NOC3L: variants seen among roughly 807,000 people sequenced by gnomAD.
NOC3L encodes the protein nucleolar complex protein 3 homolog.
Under a neutral mutation model 102.5 loss-of-function variants are expected in NOC3L, and 85 were observed. The observed-to-expected ratio is 0.83, with a 90% CI of 0.70 to 0.99. The LOEUF is 0.99. NOC3L is among the 50% of genes least tolerant of loss of function. The pLI is 0.00. For synonymous variants in NOC3L, 303 were observed against 309.4 expected (o/e 0.98, Z 0.22); for missense variants, 878 against 914.9 (o/e 0.96, Z 0.52).
the NOC3L span, chr10:94,316,619 T>C: frequency 6.2e-7 from 1 of 1,608,308 alleles, no homozygotes; most frequent in African/African-American, 1.3e-5. Context: ...ATATTTTATA[T>C]CTAAAGAAAA....
chr10:94,350,207 C>G lies in NOC3L; in HGVS notation c.1034G>C (p.Ser345Thr), dbSNP rs1033603526. The change falls in exon 9 of 21, where the codon AGC (serine) becomes ACC (threonine). Residue 345 changes from serine to threonine, a missense_variant. Ser to Thr is a moderately conservative substitution (Grantham distance 58). Transcript: ENST00000371361. Reference sequence around the variant, plus strand: ...TAGTGCCACCAACAGCTCACACAAGCTCTTCACAGCGACTTCTGCCAGTCC... The same window carrying G: ...TAGTGCCACCAACAGCTCACACAAGGTCTTCACAGCGACTTCTGCCAGTCC... The part of the protein sequence containing the change: ...YKGLAEVAVK[S>T]LCELLVALPH... The G allele has an allele frequency of 6.2e-7, 1 of 1,614,156 alleles. No homozygotes were observed. Among genetic ancestry groups the G allele is most frequent in the African/African-American group, 1.3e-5 (1 of 75,050 alleles).
chr10:94,337,976 T>G, intron 18 of NOC3L, 102 bp from the exon 19 acceptor site: 1 of 787,744 alleles, frequency 1.3e-6, no homozygotes, highest in South Asian at 1.7e-5. Flanking sequence ...ACCAAATTTT[T>G]TTTCATCACC....
chr10:94,337,576 G>GA (rs1162086660), intron 19 of NOC3L, among the ~76,000 whole-genome samples: 1 of 151,754 alleles, frequency 6.6e-6, no homozygotes, highest in African/African-American at 2.4e-5. Flanking sequence ...GACAGAAGAA[G>GA]AAAAAAAATG....
the NOC3L span, among the ~76,000 whole-genome samples, chr10:94,318,805 A>G: frequency 2.0e-5 from 3 of 152,330 alleles, no homozygotes; most frequent in Non-Finnish European, 4.4e-5. Context: ...TCACACCTGT[A>G]ATCCCAGCAC....
chr10:94,336,347 A>C (rs934288922), intron 19 of NOC3L, among the ~76,000 whole-genome samples: 10 of 150,692 alleles, frequency 6.6e-5, no homozygotes, highest in African/African-American at 2.5e-4. Flanking sequence ...TGAGAAAATA[A>C]ATTTCTGTTT....
the NOC3L span, among the ~76,000 whole-genome samples, chr10:94,322,337 A>G: frequency 6.6e-6 from 1 of 151,878 alleles, no homozygotes; most frequent in Non-Finnish European, 1.5e-5. Context: ...TGGATGACAG[A>G]GTGAGGCCCT....
At chr10:94,324,313 G>A in the NOC3L span, 1 of 1,506,858 alleles carries the variant, frequency 6.6e-7, no homozygotes, top group South Asian at 1.1e-5. Context: ...TGGAGATTCT[G>A]TGTCTTTATT....
chr10:94,357,438 G>T, intron 3 of NOC3L, 107 bp from the exon 4 acceptor site: 1 of 878,200 alleles, frequency 1.1e-6, no homozygotes, highest in Non-Finnish European at 1.6e-6. Context: ...CTTTCAATAG[G>T]TATATGGATA....
At position 94,349,297 on chromosome 10, in the gene NOC3L, C is replaced by G; in HGVS notation, c.1210G>C (p.Val404Leu). The change falls in exon 10 of 21, where the codon GTG becomes CTG. Residue 404 changes from valine (V) to leucine (L), a missense_variant. Val to Leu is a conservative substitution (Grantham distance 32, BLOSUM62 1). Transcript: ENST00000371361. The stretch of plus-strand genomic sequence containing the variant: ...CTGCCCTTCACAAAACCAGAAATCA[C>G]TTTAATTACACCAAGAGAAGCTTGG... Reference protein sequence around the residue: ...LGQASLGVIKVISGFVKGRNY... With the variant: ...LGQASLGVIKLISGFVKGRNY... 2.5e-6 allele frequency: 4 copies of G among 1,588,304 alleles called. No homozygotes were observed. Among genetic ancestry groups the G allele is most frequent in the Non-Finnish European group, 3.4e-6 (4 of 1,171,964 alleles).
rs371593966 is a variant in NOC3L, at chr10:94,350,812, TAG to T, written c.953-526_953-525del. On this transcript the variant is annotated intron_variant, in intron 8 of 20. Coordinates refer to ENST00000371361, the MANE Select transcript of NOC3L (RefSeq NM_022451.11). ...TATGGAGGCTACTAACTGCCACATA[TAG>T]GAGTCAATTGAGCATTTGAAATGCA... Among the ~76,000 whole-genome samples, 118 of 151,434 alleles carry T rather than the reference TAG, an allele frequency of 7.8e-4. 1 individual carries two copies. The East Asian group carries it at 0.021, about 27-fold the overall frequency.
chr10:94,337,783 C>A lies in NOC3L; in HGVS notation c.2183G>T (p.Ser728Ile). 1 of 1,611,174 alleles carries A rather than the reference C, an allele frequency of 6.2e-7. No individual in the cohort carries two copies. Among genetic ancestry groups the A allele is most frequent in the Non-Finnish European group, 8.5e-7 (1 of 1,177,564 alleles). Residue 728 changes from serine (S) to isoleucine (I), a missense_variant, in exon 19 of 21, where the codon AGT (serine) becomes ATT (isoleucine). Ser to Ile is a moderately radical substitution (Grantham distance 142, BLOSUM62 -2). Coordinates refer to ENST00000371361, the MANE Select transcript of NOC3L (RefSeq NM_022451.11). Reference sequence around the variant, plus strand: ...AGGCAATGCTAAATATTACCTTCGACTCAACTCTGGTTTGAGTGCTCCAGA... The same window carrying A: ...AGGCAATGCTAAATATTACCTTCGAATCAACTCTGGTTTGAGTGCTCCAGA... ...EGSGALKPEL[S>I]RRSATELFEA...
rs765695184 is a variant in NOC3L at position 94,357,226 on chromosome 10, T to C, written c.456A>G (p.Leu152=). The change falls in exon 4 of 21, where the codon TTA becomes TTG. Residue 152 remains leucine, a synonymous_variant. Transcript: ENST00000371361. ...QTAPEKELIH[L]LPIKDKSGII... ...TACCACTTTTATCTTTGATAGGAAG[T>C]AAATGAATCAGTTCCTTCTCTGGTG... 1 of 1,606,300 alleles carries C rather than the reference T, an allele frequency of 6.2e-7. No homozygotes were observed. Among genetic ancestry groups the C allele is most frequent in the South Asian group, 1.1e-5 (1 of 89,472 alleles).
intron 7 of NOC3L, 59 bp downstream of exon 7, chr10:94,352,837 A>C (rs773782299): frequency 1.3e-5 from 19 of 1,485,332 alleles, no homozygotes; most frequent in Middle Eastern, 2.1e-4. Context: ...AAAAAAGTCT[A>C]TCTCTCCAAA....
the NOC3L span, chr10:94,321,962 A>G: frequency 3.1e-6 from 5 of 1,613,730 alleles, no homozygotes; most frequent in Admixed American, 6.7e-5. Flanking sequence ...TCAGAGGAGG[A>G]GAGTTTCTTT....
At position 94,350,142 on chromosome 10, in the gene NOC3L, C is replaced by CA; in HGVS notation, c.1098dup (p.Val367CysfsTer6). On this transcript the variant is annotated frameshift_variant, in exon 9 of 21. Transcript: ENST00000371361. LOFTEE classifies it high-confidence loss of function. Reference sequence around the variant, plus strand: ...TTTGACATGTCATTCATGAGAGGGACAATCAATACGATGATGTTGTTGTGA... The same window carrying CA: ...TTTGACATGTCATTCATGAGAGGGACAAATCAATACGATGATGTTGTTGTGA... 1.9e-6 allele frequency: 3 copies of CA among 1,614,126 alleles called. No individual in the cohort carries two copies. The highest frequency in any genetic ancestry group is 2.5e-6 in the Non-Finnish European group (3 of 1,180,016).
downstream of NOC3L, chr10:94,330,721 G>A (rs1488971035): frequency 6.6e-6 from 1 of 151,280 alleles, no homozygotes; most frequent in Non-Finnish European, 1.5e-5. Flanking sequence ...AAAGAGTCTA[G>A]TCTACTATTA....
At chr10:94,356,682 C>G in intron 4 of NOC3L, 91 bp from the exon 5 acceptor site, 1 of 772,322 alleles carries the variant, frequency 1.3e-6, no homozygotes, top group African/African-American at 1.7e-5. Flanking sequence ...CGATAAAACT[C>G]AGGATAGCAG....
At chr10:94,324,546 T>G in the NOC3L span, 2 of 1,613,926 alleles carry the variant, frequency 1.2e-6, no homozygotes, top group Non-Finnish European at 1.7e-6. Flanking sequence ...AATTCATCCT[T>G]AAGCTAAAGG....
rs113740928 is a variant in NOC3L at position 94,357,308 on chromosome 10, C to T, written c.374G>A (p.Arg125Gln). Residue 125 changes from arginine to glutamine, a missense_variant, in exon 4 of 21, where the codon CGG becomes CAG. Transcript: ENST00000371361. ...TTTATCTATAATGCGTTCATGCTTCCGTTTCTTCGCATGAACAGGCTCACT... is the reference window on the plus strand; with the variant it reads ...TTTATCTATAATGCGTTCATGCTTCTGTTTCTTCGCATGAACAGGCTCACT... ...SSSEPVHAKK[R>Q]KHERIIDKYE... 19 of 1,596,134 alleles carry T rather than the reference C, an allele frequency of 1.2e-5. No individual in the cohort carries two copies. The highest frequency in any genetic ancestry group is 9.4e-5 in the African/African-American group (7 of 74,098).
Sources: gnomAD v4.1 joint callset for allele counts (sites outside exome capture counted in the v4.1 genomes callset) on GRCh38, gnomAD v4.1.1 for gene constraint, MANE v1.5 for transcripts, NCBI Gene and HGNC (gene_info 2026-07-23, HGNC 2026-07-21) for gene names.